NIBAN2: variants seen among roughly 807,000 people sequenced by gnomAD.
The protein encoded by NIBAN2 is protein Niban 2.
Under a neutral mutation model 81.8 loss-of-function variants are expected in NIBAN2, and 36 were observed. That is an observed-to-expected ratio of 0.44 (90% CI 0.34 to 0.58). NIBAN2 has a LOEUF of 0.58. Among genes scored for constraint, NIBAN2 ranks in the 20% least tolerant of loss-of-function variants. NIBAN2 has a pLI of 0.02. For missense variants in NIBAN2, 897 were observed against 1,014.1 expected (o/e 0.88, Z 1.57); for synonymous variants, 445 against 441.6 (o/e 1.01, Z -0.10).
chr9:127,508,057 G>T lies in NIBAN2; in HGVS notation c.1542+36C>A. ...CCTGTGGGCTCCATCCCCCAACTTA[G>T]GGCCCAAACGGCTGGAGCAGGTGGG... On this transcript the variant is annotated intron_variant, in intron 12 of 13. Coordinates refer to ENST00000373312, the MANE Select transcript of NIBAN2 (RefSeq NM_022833.4). This position sits in a 1 kb window ranked among gnomAD's most constrained non-coding sequence, Gnocchi z 6.4. 1 of 1,611,122 alleles carries T rather than the reference G, an allele frequency of 6.2e-7. No homozygotes were observed. Among genetic ancestry groups the T allele is most frequent in the Non-Finnish European group, 8.5e-7 (1 of 1,177,434 alleles).
At chr9:127,534,898 C>T (rs1359429940) in intron 1 of NIBAN2, among the ~76,000 whole-genome samples, 4 of 152,188 alleles carry the variant, frequency 2.6e-5, no homozygotes, top group African/African-American at 7.2e-5. Context: ...ACAATAACAT[C>T]GGTACCATGG....
intron 4 of NIBAN2, 157 bp downstream of exon 4, chr9:127,524,901 C>A (rs1040380448): frequency 1.2e-5 from 7 of 601,972 alleles, no homozygotes; most frequent in Non-Finnish European, 2.1e-5. Context: ...TAGGGAGATG[C>A]GAAAGGCAAA....
chr9:127,568,910 C>T lies in NIBAN2; in HGVS notation c.-36G>A, dbSNP rs1270551234. 7 of 1,253,588 alleles carry T rather than the reference C, an allele frequency of 5.6e-6. No homozygotes were observed. In the South Asian group the frequency reaches 1.3e-4, roughly 23 times the overall value. The allele number at this position is 1,253,588 out of a possible 1,614,324, so 77.7% of individuals were successfully genotyped here. Reference sequence around the variant, plus strand: ...TGTCGCGGCCCGATCCGGCCGACGCCGCCGCTGTTGCCCGCGCTGCTCAGG... The same window carrying T: ...TGTCGCGGCCCGATCCGGCCGACGCTGCCGCTGTTGCCCGCGCTGCTCAGG... On this transcript the variant is annotated 5_prime_UTR_variant, in exon 1 of 14. Coordinates refer to ENST00000373312, the MANE Select transcript of NIBAN2 (RefSeq NM_022833.4).
intron 1 of NIBAN2, among the ~76,000 whole-genome samples, chr9:127,548,971 C>A (rs1052680269): frequency 6.6e-6 from 1 of 152,120 alleles, no homozygotes; most frequent in Non-Finnish European, 1.5e-5. Flanking sequence ...TAGGGAAGGC[C>A]TCATCACTGG....
At chr9:127,514,787 G>C (rs538393054) in intron 8 of NIBAN2, among the ~76,000 whole-genome samples, 7 of 152,122 alleles carry the variant, frequency 4.6e-5, no homozygotes, top group Non-Finnish European at 7.4e-5. Context: ...CCCAGCTAAC[G>C]TTCTTTGTTC....
In NIBAN2 at chr9:127,508,397, C is replaced by T. The variant is rs372476377; in HGVS notation, c.1434+25G>A. The T allele has an allele frequency of 3.7e-5, 59 of 1,579,950 alleles. No individual in the cohort carries two copies. The highest frequency in any genetic ancestry group is 1.7e-4 in the African/African-American group (13 of 74,334). Reference sequence around the variant, plus strand: ...GGGCTCGGCCTCGCCTAGGACGGTCCGGGGCAGGGCGTGGGGCCGCTCACC... The same window carrying T: ...GGGCTCGGCCTCGCCTAGGACGGTCTGGGGCAGGGCGTGGGGCCGCTCACC... On this transcript the variant is annotated intron_variant, in intron 11 of 13. Transcript: ENST00000373312. The surrounding 1 kb of genome is among the most constrained non-coding windows in gnomAD (Gnocchi z 6.4).
chr9:127,514,297 T>C (rs1458981302), intron 8 of NIBAN2, among the ~76,000 whole-genome samples: 2 of 146,460 alleles, frequency 1.4e-5, no homozygotes, highest in Non-Finnish European at 3.0e-5. Context: ...ACTAAAAGAA[T>C]ATACTTGGAT....
At chr9:127,530,666 C>T (rs1266604240) in intron 2 of NIBAN2, among the ~76,000 whole-genome samples, 1 of 152,228 alleles carries the variant, frequency 6.6e-6, no homozygotes, top group Admixed American at 6.5e-5. Context: ...GTGACAGTGC[C>T]TTCCCTGCTT....
At chr9:127,560,025 A>G (rs1325189205) in intron 1 of NIBAN2, among the ~76,000 whole-genome samples, 1 of 152,174 alleles carries the variant, frequency 6.6e-6, no homozygotes, top group Non-Finnish European at 1.5e-5. Context: ...CAGCTGCCAA[A>G]TGACAGGGCA....
intron 8 of NIBAN2, among the ~76,000 whole-genome samples, chr9:127,511,339 C>T (rs1007231712): frequency 7.9e-5 from 12 of 151,918 alleles, no homozygotes; most frequent in Admixed American, 5.2e-4. Flanking sequence ...TGAGCCACCG[C>T]GCTCAGCCCC....
At position 127,517,152 on chromosome 9, in the gene NIBAN2, A is replaced by G; in HGVS notation, c.770T>C (p.Leu257Pro). Residue 257 changes from leucine to proline, a missense_variant, in exon 7 of 14, where the codon CTG becomes CCG. Transcript: ENST00000373312. This position sits in a 1 kb window ranked among gnomAD's most constrained non-coding sequence, Gnocchi z 4.0. Reference sequence around the variant, plus strand: ...CTGCCGCTCCTGCGGTTTCCCCTTCAGCCGCGGGCCGAGCTCTGCCTTCAG... The same window carrying G: ...CTGCCGCTCCTGCGGTTTCCCCTTCGGCCGCGGGCCGAGCTCTGCCTTCAG... ...PELKAELGPRLKGKPQERQRQ... is the reference protein window; with the variant it reads ...PELKAELGPRPKGKPQERQRQ... 1 of 1,613,972 alleles carries G rather than the reference A, an allele frequency of 6.2e-7. No individual in the cohort carries two copies.
chr9:127,546,866 CAGG>C (rs567791956), intron 1 of NIBAN2, among the ~76,000 whole-genome samples: 44 of 151,952 alleles, frequency 2.9e-4, no homozygotes, highest in African/African-American at 1.0e-3. Flanking sequence ...GGGAGAAGCA[CAGG>C]AGGTCACAGG....
intron 5 of NIBAN2, among the ~76,000 whole-genome samples, chr9:127,522,907 G>A (rs139389098): frequency 5.9e-5 from 9 of 151,972 alleles, no homozygotes; most frequent in Middle Eastern, 3.4e-3. Flanking sequence ...CAGCACAGCT[G>A]TGAGCCATCG....
chr9:127,560,333 C>T (rs755600045), intron 1 of NIBAN2, among the ~76,000 whole-genome samples: 3 of 152,124 alleles, frequency 2.0e-5, no homozygotes, highest in Non-Finnish European at 2.9e-5. Flanking sequence ...CACACATATC[C>T]CTCATTGCAC....
intron 1 of NIBAN2, among the ~76,000 whole-genome samples, chr9:127,557,452 C>T (rs1488728793): frequency 1.3e-5 from 2 of 152,046 alleles, no homozygotes; most frequent in Admixed American, 6.5e-5. Context: ...CTCCCAGAAG[C>T]CACACAGGGG....
intron 3 of NIBAN2, 97 bp from the exon 4 acceptor site, chr9:127,525,260 G>T: frequency 1.3e-6 from 1 of 770,124 alleles, no homozygotes; most frequent in South Asian, 1.5e-5. Flanking sequence ...GCCCAAAGTG[G>T]GGAGGAGAAG....
At chr9:127,539,249 G>A (rs1410276259) in intron 1 of NIBAN2, among the ~76,000 whole-genome samples, 2 of 152,100 alleles carry the variant, frequency 1.3e-5, no homozygotes, top group South Asian at 4.1e-4. Flanking sequence ...TCCCACCAAA[G>A]CCTGCACAGA....
At chr9:127,548,486 C>A (rs1837514957) in intron 1 of NIBAN2, among the ~76,000 whole-genome samples, 1 of 152,274 alleles carries the variant, frequency 6.6e-6, no homozygotes, top group African/African-American at 2.4e-5. Context: ...CTGGTCTCTC[C>A]AAGACTCTGC....
intron 1 of NIBAN2, among the ~76,000 whole-genome samples, chr9:127,574,699 G>C (rs1837987500): frequency 6.6e-6 from 1 of 152,158 alleles, no homozygotes; most frequent in Non-Finnish European, 1.5e-5. Context: ...AAACAGCAAG[G>C]AGTGTGAATG....
Sources: allele counts gnomAD v4.1 joint callset (sites outside exome capture counted in the v4.1 genomes callset), GRCh38; gene constraint gnomAD v4.1.1; non-coding constraint Gnocchi (gnomAD v3.1); transcripts MANE v1.5; gene names NCBI Gene and HGNC (gene_info 2026-07-23, HGNC 2026-07-21).